The following DGKA variants were observed in gnomAD, a reference collection of about 807,000 sequenced individuals.
The protein encoded by DGKA is 80 kDa diacylglycerol kinase.
A neutral mutation model predicts 105.0 loss-of-function variants in DGKA; 35 were observed. That is an observed-to-expected ratio of 0.33 (90% CI 0.25 to 0.44). The LOEUF is 0.44. Ranked by LOEUF, DGKA falls within the 20% of genes least tolerant of loss-of-function variation. DGKA has a pLI of 1.00. For synonymous variants in DGKA, 296 were observed against 332.0 expected, an observed-to-expected ratio of 0.89 and a Z score of 1.18; for missense variants, 665 against 915.0, an observed-to-expected ratio of 0.73 and a Z score of 3.53.
rs1221652480 is a variant in DGKA at position 55,932,912 on chromosome 12, A to G, written c.-82+1568A>G. The G allele has an allele frequency of 7.5e-6, 2 of 268,236 alleles. No individual in the cohort carries two copies. The highest frequency in any genetic ancestry group is 4.4e-5 in the African/African-American group (2 of 45,734). 16.6% of individuals were successfully genotyped at this position (268,236 alleles called of 1,614,324 possible). On this transcript the variant is annotated intron_variant, in intron 1 of 23. Coordinates refer to ENST00000331886, the MANE Select transcript of DGKA (RefSeq NM_001345.5). The surrounding 1 kb of genome is among the most constrained non-coding windows in gnomAD (Gnocchi z 4.3). ...GATTAAGGAATTCAGAAGTCCAGGT[A>G]ATCAGGCCTGGGCCCTCAAATTCGG...
In DGKA at chr12:55,953,409, C is replaced by T; in HGVS notation, c.2123C>T (p.Thr708Ile). The change falls in exon 23 of 24, where the codon ACA (threonine) becomes ATA (isoleucine). Residue 708 changes from threonine (T) to isoleucine (I), a missense_variant and splice_region_variant. This residue lies in a region of DGKA where 158 missense variants were observed against 213.4 expected (regional missense o/e 0.74). Coordinates refer to ENST00000331886, the MANE Select transcript of DGKA (RefSeq NM_001345.5). ...DGEPWMQTPC[T>I]IKITHKNQMP... is the part of the protein sequence containing the mutation. Reference sequence around the variant, plus strand: ...GAACCCTGGATGCAGACGCCCTGTACAGTGAGTATTGACGATCCCAGCCAA... The same window carrying T: ...GAACCCTGGATGCAGACGCCCTGTATAGTGAGTATTGACGATCCCAGCCAA... The T allele has an allele frequency of 6.2e-7, 1 of 1,614,112 alleles. No homozygotes were observed.
intron 17 of DGKA, among the ~76,000 whole-genome samples, chr12:55,945,043 G>T (rs148325787): frequency 2.6e-5 from 4 of 152,038 alleles, no homozygotes; most frequent in Admixed American, 2.0e-4. Flanking sequence ...CAGGTGATCC[G>T]CCCACCTCTG....
At chr12:55,948,716 C>CA (rs879799559) in intron 17 of DGKA, among the ~76,000 whole-genome samples, 1,546 of 131,560 alleles carry the variant, frequency 0.012, 26 homozygotes, top group African/African-American at 0.037. Flanking sequence ...GATCCTGTCT[C>CA]AAAAAAAAAA....
At position 55,932,475 on chromosome 12, in the gene DGKA, C is replaced by A; in HGVS notation, c.-82+1131C>A. ...GGTTCTTGTTTGGCCTCCAGGTCCC[C>A]AACTTCCCACCCCATCCTCTCCCCA... On this transcript the variant is annotated intron_variant, in intron 1 of 23. Coordinates refer to ENST00000331886, the MANE Select transcript of DGKA (RefSeq NM_001345.5). This position sits in a 1 kb window ranked among gnomAD's most constrained non-coding sequence, Gnocchi z 4.3. 1 of 698,690 alleles carries A rather than the reference C, an allele frequency of 1.4e-6. No homozygotes were observed. The highest frequency in any genetic ancestry group is 1.5e-5 in the South Asian group (1 of 67,226). The allele number at this position is 698,690 out of a possible 1,614,324, so 43.3% of individuals were successfully genotyped here.
At chr12:55,939,643 C>A in intron 9 of DGKA, 114 bp downstream of exon 9, 1 of 969,692 alleles carries the variant, frequency 1.0e-6, no homozygotes, top group South Asian at 1.5e-5. Flanking sequence ...CTGCCACTGA[C>A]TAGTTATGTG....
In DGKA at chr12:55,951,770, T is replaced by C; in HGVS notation, c.1574T>C (p.Phe525Ser). 1 of 1,613,428 alleles carries C rather than the reference T, an allele frequency of 6.2e-7. No individual in the cohort carries two copies. Among genetic ancestry groups the C allele is most frequent in the Non-Finnish European group, 8.5e-7 (1 of 1,179,874 alleles). The change falls in exon 18 of 24, where the codon TTC becomes TCC. Residue 525 changes from phenylalanine to serine, a missense_variant. Coordinates refer to ENST00000331886, the MANE Select transcript of DGKA (RefSeq NM_001345.5). ...CCCTTTCAAATCATCAATAACTACT[T>C]CTCTATTGGCGTGGTCAGTGGAATG... is the stretch of plus-strand genomic sequence containing the variant. ...PVPFQIINNY[F>S]SIGVDASIAH... is the part of the protein sequence containing the mutation.
chr12:55,951,485 C>A, intron 17 of DGKA, 138 bp from the exon 18 acceptor site: 2 of 838,264 alleles, frequency 2.4e-6, no homozygotes, highest in East Asian at 2.5e-5. Context: ...ACCATGCACC[C>A]TGCCCTGTCA....
intron 6 of DGKA, 102 bp downstream of exon 6, chr12:55,938,662 G>C (rs772512801): frequency 3.1e-6 from 5 of 1,607,494 alleles, no homozygotes; most frequent in South Asian, 2.2e-5. Flanking sequence ...GAAGAGGATG[G>C]GGGGAGAGGT....
In DGKA at chr12:55,943,899, T is replaced by C. The variant is rs559425632; in HGVS notation, c.1426+1636T>C. ...CTTCCCTGTATTCTGCAAACAAAAA[T>C]CAAGTTAGCATAAACAAGCAAACAA... is the stretch of plus-strand genomic sequence containing the variant. On this transcript the variant is annotated intron_variant, in intron 17 of 23. Coordinates refer to ENST00000331886, the MANE Select transcript of DGKA (RefSeq NM_001345.5). 4.6e-5 allele frequency among the ~76,000 whole-genome samples: 7 copies of C among 152,294 alleles called. No homozygotes were observed. In the South Asian group the frequency reaches 1.2e-3, roughly 27 times the overall value.
chr12:55,948,182 A>ACT, intron 17 of DGKA, among the ~76,000 whole-genome samples: 1 of 147,140 alleles, frequency 6.8e-6, no homozygotes, highest in East Asian at 2.1e-4. Flanking sequence ...CGGGTGGATC[A>ACT]TGAGGTCAGG....
intron 6 of DGKA, 151 bp downstream of exon 6, chr12:55,938,711 C>G: frequency 1.3e-6 from 2 of 1,560,324 alleles, no homozygotes; most frequent in Non-Finnish European, 8.7e-7. Context: ...AAGTCCCAAG[C>G]TCTTGACCCC....
intron 17 of DGKA, among the ~76,000 whole-genome samples, chr12:55,947,079 G>A (rs1258089252): frequency 6.8e-6 from 1 of 147,768 alleles, no homozygotes; most frequent in African/African-American, 2.5e-5. Flanking sequence ...TCCACCTCCC[G>A]GGTTCAAGCG....
rs757998661 is a variant in DGKA at position 55,942,164 on chromosome 12, G to A, written c.1337-10G>A. 1.2e-6 allele frequency: 2 copies of A among 1,614,200 alleles called. No individual in the cohort carries two copies. Among genetic ancestry groups the A allele is most frequent in the Non-Finnish European group, 8.5e-7 (1 of 1,180,032 alleles). ...ACTCACTCCATCCTTCTCTTCACCT[G>A]CCTCCGCAGACAAAGCTAACTTGCC... On this transcript the variant is annotated splice_polypyrimidine_tract_variant and intron_variant, in intron 16 of 23. Transcript: ENST00000331886.
At chr12:55,942,541 A>C (rs1370575721) in intron 17 of DGKA, 1 of 409,252 alleles carries the variant, frequency 2.4e-6, no homozygotes, top group Admixed American at 3.6e-5. Context: ...GAATCAAGGA[A>C]TATGGGGGTG....
chr12:55,932,688 C>G lies in DGKA; in HGVS notation c.-82+1344C>G. 1.5e-6 allele frequency: 1 copy of G among 650,476 alleles called. No individual in the cohort carries two copies. 40.3% of individuals were successfully genotyped at this position (650,476 alleles called of 1,614,324 possible). ...TTCCTCCTATACTACGCAATGACAC[C>G]CTCTACACACACACACACACGCACA... On this transcript the variant is annotated intron_variant, in intron 1 of 23. Coordinates refer to ENST00000331886, the MANE Select transcript of DGKA (RefSeq NM_001345.5). The surrounding 1 kb of genome is among the most constrained non-coding windows in gnomAD (Gnocchi z 4.3).
At chr12:55,946,133 T>G (rs570935728) in intron 17 of DGKA, among the ~76,000 whole-genome samples, 108 of 151,886 alleles carry the variant, frequency 7.1e-4, no homozygotes, top group Middle Eastern at 6.8e-3. Flanking sequence ...TTTTTCCATG[T>G]AAGGTAACAT....
chr12:55,950,740 CTTGT>C (rs1327218077), intron 17 of DGKA, among the ~76,000 whole-genome samples: 1 of 151,710 alleles, frequency 6.6e-6, no homozygotes, highest in Non-Finnish European at 1.5e-5. Flanking sequence ...TGTGCCTGGC[CTTGT>C]TTGTTTGTTT....
Position 55,938,931 on chromosome 12 carries a change from T to C in DGKA, c.416T>C (p.Ile139Thr). 6.2e-7 allele frequency: 1 copy of C among 1,614,234 alleles called. No homozygotes were observed. Among genetic ancestry groups the C allele is most frequent in the South Asian group, 1.1e-5 (1 of 91,082 alleles). Residue 139 changes from isoleucine (I) to threonine (T), a missense_variant, in exon 7 of 24, where the codon ATC becomes ACC. Physicochemically the swap from Ile to Thr is moderately conservative, Grantham distance 89. Transcript: ENST00000331886. Reference protein sequence around the residue: ...ILDSSEVDKIILQMMRVAEYL... With the variant: ...ILDSSEVDKITLQMMRVAEYL... ...TTGCTCCAGGAAGTGGACAAAATTATCCTACAGATGATGCGAGTGGCTGAA... is the reference window on the plus strand; with the variant it reads ...TTGCTCCAGGAAGTGGACAAAATTACCCTACAGATGATGCGAGTGGCTGAA...
At position 55,932,359 on chromosome 12, in the gene DGKA, C is replaced by T. The variant is rs1347074092; in HGVS notation, c.-82+1015C>T. 12 of 592,714 alleles carry T rather than the reference C, an allele frequency of 2.0e-5. No homozygotes were observed. Among genetic ancestry groups the T allele is most frequent in the Non-Finnish European group, 3.3e-5 (11 of 330,556 alleles). 36.7% of individuals were successfully genotyped at this position (592,714 alleles called of 1,614,324 possible). On this transcript the variant is annotated intron_variant, in intron 1 of 23. Transcript: ENST00000331886. The surrounding 1 kb of genome is among the most constrained non-coding windows in gnomAD (Gnocchi z 4.3). ...GACCTTCCCCTCCATCCCTCCCGCT[C>T]ATTCGGAGGGATGGTGAAGCCCGGT...
Sources: gnomAD v4.1 joint callset for allele counts (sites outside exome capture counted in the v4.1 genomes callset) on GRCh38, gnomAD v4.1.1 for gene constraint, gnomAD v4.1.1 regional missense constraint, Gnocchi (gnomAD v3.1) non-coding constraint, MANE v1.5 for transcripts, NCBI Gene and HGNC (gene_info 2026-07-23, HGNC 2026-07-21) for gene names.